LTBP3: variants seen among roughly 807,000 people sequenced by gnomAD.
LTBP3 encodes the protein latent-transforming growth factor beta-binding protein 3.
Under a neutral mutation model 159.7 loss-of-function variants are expected in LTBP3, and 97 were observed. The ratio of observed to expected loss-of-function variants is 0.61; its 90% CI spans 0.52 to 0.72. The LOEUF (loss-of-function observed/expected upper bound fraction) is 0.72, where lower values mean the gene tolerates loss of function less well. Ranked by LOEUF, LTBP3 falls within the 30% of genes least tolerant of loss-of-function variation. The pLI, the probability that LTBP3 is intolerant of heterozygous loss-of-function variation, is 0.00. For missense variants in LTBP3, 1,584 were observed against 1,864.3 expected (o/e 0.85, Z 2.77); for synonymous variants, 824 against 777.1 (o/e 1.06, Z -1.00).
intron 25 of LTBP3, 43 bp from the exon 26 acceptor site, chr11:65,539,671 C>A (rs1170197156): frequency 1.9e-6 from 3 of 1,584,924 alleles, no homozygotes; most frequent in Non-Finnish European, 8.5e-7. Flanking sequence ...GGTCCCCGGG[C>A]CCTGGCCCCC....
chr11:65,543,871 A>G, intron 16 of LTBP3: 1 of 406,168 alleles, frequency 2.5e-6, no homozygotes, highest in African/African-American at 2.1e-5. Context: ...TAAACTCCCT[A>G]TCCTTGTTCT....
rs1435691328 is a variant in LTBP3 at position 65,538,638 on chromosome 11, G to T, written c.*442C>A. The T allele has an allele frequency of 1.3e-6, 2 of 1,505,364 alleles. No homozygotes were observed. Among genetic ancestry groups the T allele is most frequent in the African/African-American group, 1.4e-5 (1 of 72,486 alleles). 93.3% of individuals were successfully genotyped at this position (1,505,364 alleles called of 1,614,324 possible). A position where few individuals can be genotyped will look rare whatever the true frequency, so the allele number is the denominator to read the frequency against. ...TGTATTTATTGTACAAACCATGTGA[G>T]CCCGGCCGGCCCAGCCAGGCCATCT... is the stretch of plus-strand genomic sequence containing the variant. On this transcript the variant is annotated 3_prime_UTR_variant, in exon 28 of 28. Coordinates refer to ENST00000301873, the MANE Select transcript of LTBP3 (RefSeq NM_001130144.3).
chr11:65,551,333 A>C, intron 10 of LTBP3, 69 bp downstream of exon 10: 2 of 1,577,736 alleles, frequency 1.3e-6, no homozygotes, highest in South Asian at 2.3e-5. Flanking sequence ...CCGAGTACTT[A>C]AACTGTGAAC....
In LTBP3 at chr11:65,542,731, G is replaced by A. The variant is rs1443029788; in HGVS notation, c.2596+374C>T. The A allele has an allele frequency of 1.2e-5, 4 of 337,910 alleles. No individual in the cohort carries two copies. In the East Asian group the frequency reaches 3.2e-4, roughly 27 times the overall value. 20.9% of individuals were successfully genotyped at this position (337,910 alleles called of 1,614,324 possible). A position where few individuals can be genotyped will look rare whatever the true frequency, so the allele number is the denominator to read the frequency against. ...AAACTTTTGTTGGATGAATGCATGTGTATGGGTGAGTTGATGGGGAAGACC... is the reference window on the plus strand; with the variant it reads ...AAACTTTTGTTGGATGAATGCATGTATATGGGTGAGTTGATGGGGAAGACC... On this transcript the variant is annotated intron_variant, in intron 18 of 27. Coordinates refer to ENST00000301873, the MANE Select transcript of LTBP3 (RefSeq NM_001130144.3).
chr11:65,550,608 G>A (rs1040306309), intron 11 of LTBP3, among the ~76,000 whole-genome samples: 5 of 151,610 alleles, frequency 3.3e-5, no homozygotes, highest in African/African-American at 4.8e-5. Flanking sequence ...GGCGCATCAC[G>A]AGGTCAAGAG....
In LTBP3 at chr11:65,554,070, C is replaced by G; in HGVS notation, c.642G>C (p.Pro214=). 6.2e-7 allele frequency: 1 copy of G among 1,605,046 alleles called. No individual in the cohort carries two copies. Among genetic ancestry groups the G allele is most frequent in the Non-Finnish European group, 8.5e-7 (1 of 1,179,482 alleles). Residue 214 remains proline, a synonymous_variant, in exon 2 of 28, where the codon CCG becomes CCC. Transcript: ENST00000301873. The surrounding 1 kb of genome is among the most constrained non-coding windows in gnomAD (Gnocchi z 5.3). ...TGGTACCTTCTGCTGAGATCTGTCCCGGGCCTAGGGGCACCAGGAAGGCTG... is the reference window on the plus strand; with the variant it reads ...TGGTACCTTCTGCTGAGATCTGTCCGGGGCCTAGGGGCACCAGGAAGGCTG... ...QHAAFLVPLG[P]GQISAEVQAP...
chr11:65,558,146 G>T lies in LTBP3; in HGVS notation c.-187C>A. 9.3e-7 allele frequency: 1 copy of T among 1,077,484 alleles called. No homozygotes were observed. Among genetic ancestry groups the T allele is most frequent in the Non-Finnish European group, 1.1e-6 (1 of 888,288 alleles). The allele number at this position is 1,077,484 out of a possible 1,614,324, so 66.7% of individuals were successfully genotyped here. A position where few individuals can be genotyped will look rare whatever the true frequency, so the allele number is the denominator to read the frequency against. ...GGCGCGGAGATGCAGACTGGACAGC[G>T]GGGAGCGCAGAAACTTCCCAGCCCC... On this transcript the variant is annotated 5_prime_UTR_variant, in exon 1 of 28. Transcript: ENST00000301873.
intron 16 of LTBP3, 113 bp from the exon 17 acceptor site, chr11:65,543,662 C>G: frequency 7.3e-7 from 1 of 1,367,956 alleles, no homozygotes; most frequent in South Asian, 1.2e-5. Context: ...CAGCAGCACT[C>G]AGAAGCACAG....
intron 11 of LTBP3, chr11:65,548,611 C>T (rs187226063): frequency 7.6e-5 from 13 of 170,890 alleles, no homozygotes; most frequent in Admixed American, 2.2e-4. Context: ...AACCACCCCC[C>T]TCACTCTCTT....
At position 65,558,289 on chromosome 11, in the gene LTBP3, C is replaced by T. The variant is rs1856884678; in HGVS notation, c.-330G>A. 2.3e-6 allele frequency: 2 copies of T among 874,268 alleles called. No individual in the cohort carries two copies. The highest frequency in any genetic ancestry group is 1.8e-5 in the African/African-American group (1 of 55,996). The allele number at this position is 874,268 out of a possible 1,614,324, so 54.2% of individuals were successfully genotyped here. ...CGGGCGGCCGGCCCGCTCCGCGCCT[C>T]CCCCTGGCCGGGCTCCTCTCCCGCG... On this transcript the variant is annotated 5_prime_UTR_variant, in exon 1 of 28. Coordinates refer to ENST00000301873, the MANE Select transcript of LTBP3 (RefSeq NM_001130144.3).
chr11:65,542,089 C>T, intron 18 of LTBP3: 1 of 343,790 alleles, frequency 2.9e-6, no homozygotes, highest in South Asian at 2.3e-5. Context: ...TCTGTAAACA[C>T]AACTAGCTCC....
chr11:65,557,417 G>C (rs1003911857), intron 1 of LTBP3, among the ~76,000 whole-genome samples: 1 of 151,908 alleles, frequency 6.6e-6, no homozygotes, highest in African/African-American at 2.4e-5. Context: ...CTAACGCAAA[G>C]CTTCAAAGTC....
intron 17 of LTBP3, 61 bp downstream of exon 17, chr11:65,543,366 G>T: frequency 6.2e-7 from 1 of 1,612,286 alleles, no homozygotes; most frequent in Non-Finnish European, 8.5e-7. Flanking sequence ...CTGGACCCTG[G>T]GGGGTGGGGG....
intron 10 of LTBP3, 64 bp from the exon 11 acceptor site, chr11:65,551,288 T>C: frequency 6.5e-7 from 1 of 1,531,104 alleles, no homozygotes; most frequent in Non-Finnish European, 8.8e-7. Context: ...TCCACTTCAG[T>C]CTTGGCCCGG....
Position 65,540,267 on chromosome 11 carries a change from C to G in LTBP3, c.3222G>C (p.Gln1074His). The G allele has an allele frequency of 6.4e-7, 1 of 1,552,674 alleles. No homozygotes were observed. Among genetic ancestry groups the G allele is most frequent in the Non-Finnish European group, 8.7e-7 (1 of 1,147,958 alleles). The change falls in exon 23 of 28, where the codon CAG (glutamine) becomes CAC (histidine). Residue 1074 changes from glutamine (Q) to histidine (H), a missense_variant. Physicochemically the swap from Gln to His is conservative, Grantham distance 24 (BLOSUM62 0). Coordinates refer to ENST00000301873, the MANE Select transcript of LTBP3 (RefSeq NM_001130144.3). ...PPAEYSPAQR[Q>H]CLSPEEMDVD... ...CACCCATCTCTTCCGGGCTCAGGCA[C>G]TGGCGCTGCGCGGGACTGTACTCGG...
In LTBP3 at chr11:65,553,829, C is replaced by T. The variant is rs1856704688; in HGVS notation, c.736G>A (p.Glu246Lys). 1.3e-6 allele frequency: 2 copies of T among 1,561,978 alleles called. No homozygotes were observed. Among genetic ancestry groups the T allele is most frequent in the Admixed American group, 1.8e-5 (1 of 54,216 alleles). ...PEASVQVHRIESSNAESAAPS... is the reference protein window; with the variant it reads ...PEASVQVHRIKSSNAESAAPS... ...GCTGCGCTCTCGGCGTTCGAGCTCT[C>T]AATGCGGTGCACCTGGACTGAGGCC... is the stretch of plus-strand genomic sequence containing the variant. Residue 246 changes from glutamate (E) to lysine (K), a missense_variant, in exon 3 of 28, where the codon GAG becomes AAG. Glu to Lys is a moderately conservative substitution (Grantham distance 56). This residue lies in a region of LTBP3 where 194 missense variants were observed against 198.7 expected (regional missense o/e 0.98). Coordinates refer to ENST00000301873, the MANE Select transcript of LTBP3 (RefSeq NM_001130144.3). The surrounding 1 kb of genome is among the most constrained non-coding windows in gnomAD (Gnocchi z 6.5).
chr11:65,542,931 AGGATGGATGGATGGATGGAT>A (rs140563368), intron 18 of LTBP3, 154 bp downstream of exon 18: 10 of 817,576 alleles, frequency 1.2e-5, no homozygotes, highest in Admixed American at 3.9e-5. Context: ...GATGGATAGA[AGGATGGATGGATGGATGGAT>A]GGATGGATGG....
intron 8 of LTBP3, 129 bp downstream of exon 8, chr11:65,551,843 A>T: frequency 1.8e-6 from 2 of 1,121,558 alleles, no homozygotes; most frequent in Non-Finnish European, 2.7e-6. Context: ...GTCAGGTGGG[A>T]GGTCAGTGGA....
chr11:65,540,993 G>T, intron 20 of LTBP3, 39 bp from the exon 21 acceptor site: 1 of 1,599,740 alleles, frequency 6.3e-7, no homozygotes, highest in Non-Finnish European at 8.5e-7. Context: ...GAAGAGGCAG[G>T]ACTGAGCGCG....
Sources: gnomAD v4.1 joint callset for allele counts (sites outside exome capture counted in the v4.1 genomes callset) on GRCh38, gnomAD v4.1.1 for gene constraint, gnomAD v4.1.1 regional missense constraint, Gnocchi (gnomAD v3.1) non-coding constraint, MANE v1.5 for transcripts, NCBI Gene and HGNC (gene_info 2026-07-23, HGNC 2026-07-21) for gene names.